The following VWA3B variants were observed in gnomAD, a reference collection of about 807,000 sequenced individuals.
VWA3B encodes the protein von Willebrand factor A domain containing 3B.
A neutral mutation model predicts 158.3 loss-of-function variants in VWA3B; 138 were observed. The ratio of observed to expected loss-of-function variants is 0.87; its 90% CI spans 0.76 to 1.00. The LOEUF is 1.00. Ranked by LOEUF, VWA3B falls within the 50% of genes least tolerant of loss-of-function variation. The pLI, the probability that VWA3B is intolerant of heterozygous loss-of-function variation, is 0.00. For missense variants in VWA3B, 1,555 were observed against 1,565.1 expected (o/e 0.99, Z 0.11); for synonymous variants, 596 against 587.3 (o/e 1.01, Z -0.21).
intron 19 of VWA3B, among the ~76,000 whole-genome samples, chr2:98,249,967 T>A (rs1686690139): frequency 6.6e-6 from 1 of 152,216 alleles, no homozygotes; most frequent in African/African-American, 2.4e-5. Flanking sequence ...GATCTATTTC[T>A]TATTGCCCAC....
intron 12 of VWA3B, 94 bp from the exon 13 acceptor site, chr2:98,211,836 C>A (rs1012512496): frequency 1.5e-5 from 16 of 1,071,812 alleles, no homozygotes; most frequent in Non-Finnish European, 1.5e-5. Context: ...CTCATAGGTA[C>A]TTTTTCTTCT....
intron 19 of VWA3B, chr2:98,245,506 C>T (rs575738605): frequency 3.7e-4 from 170 of 455,408 alleles, no homozygotes; most frequent in Non-Finnish European, 6.6e-4. Flanking sequence ...GTGGAGAGGA[C>T]GGAGAGTGGG....
chr2:98,147,091 T>A (rs903457873), intron 7 of VWA3B, among the ~76,000 whole-genome samples: 4 of 152,206 alleles, frequency 2.6e-5, no homozygotes, highest in Non-Finnish European at 5.9e-5. Flanking sequence ...TGATATACAA[T>A]TGTGGTGTTT....
intron 20 of VWA3B, 80 bp downstream of exon 20, chr2:98,250,516 G>GT: frequency 9.2e-6 from 10 of 1,092,496 alleles, no homozygotes; most frequent in Admixed American, 2.8e-5. Flanking sequence ...TTTTAGCTTA[G>GT]CTTTTTTTTT....
intron 7 of VWA3B, among the ~76,000 whole-genome samples, chr2:98,142,058 A>G (rs148644477): frequency 6.6e-6 from 1 of 152,318 alleles, no homozygotes; most frequent in African/African-American, 2.4e-5. Flanking sequence ...AATAAAGCTC[A>G]GTCCTTGTCC....
At chr2:98,181,917 G>A (rs1157508272) in intron 9 of VWA3B, among the ~76,000 whole-genome samples, 1 of 152,220 alleles carries the variant, frequency 6.6e-6, no homozygotes, top group African/African-American at 2.4e-5. Context: ...ACCTTGAGAA[G>A]CAGAGAGGTG....
At chr2:98,146,461 G>T (rs1677181531) in intron 7 of VWA3B, among the ~76,000 whole-genome samples, 1 of 152,168 alleles carries the variant, frequency 6.6e-6, no homozygotes, top group African/African-American at 2.4e-5. Context: ...ATATAAGTTT[G>T]TTCTGGGTGA....
intron 2 of VWA3B, among the ~76,000 whole-genome samples, chr2:98,113,997 C>T (rs1674337729): frequency 2.0e-5 from 3 of 152,214 alleles, no homozygotes; most frequent in South Asian, 2.1e-4. Flanking sequence ...CTGCTAAATA[C>T]ATACAAATAA....
chr2:98,295,829 G>C (rs1298377938), intron 23 of VWA3B, among the ~76,000 whole-genome samples: 2 of 152,224 alleles, frequency 1.3e-5, no homozygotes, highest in Non-Finnish European at 2.9e-5. Flanking sequence ...AGATGGAGAA[G>C]GAGCAGGTAC....
chr2:98,193,810 G>A (rs1681800123), intron 11 of VWA3B, among the ~76,000 whole-genome samples: 2 of 151,968 alleles, frequency 1.3e-5, no homozygotes, highest in Admixed American at 1.3e-4. Flanking sequence ...AGATGGTCTC[G>A]ATCTCCTGAC....
chr2:98,211,839 T>C, intron 12 of VWA3B, 91 bp from the exon 13 acceptor site: 1 of 1,119,750 alleles, frequency 8.9e-7, no homozygotes, highest in Non-Finnish European at 1.3e-6. Context: ...ATAGGTACTT[T>C]TTCTTCTTTT....
At chr2:98,272,648 C>A (rs1313315621) in intron 22 of VWA3B, among the ~76,000 whole-genome samples, 1 of 152,102 alleles carries the variant, frequency 6.6e-6, no homozygotes, top group African/African-American at 2.4e-5. Flanking sequence ...ACCTACCCAA[C>A]AAAGACACAC....
In VWA3B at chr2:98,246,272, T is replaced by A. The variant is rs529993378; in HGVS notation, c.2674-4046T>A. On this transcript the variant is annotated intron_variant, in intron 19 of 27. Coordinates refer to ENST00000477737, the MANE Select transcript of VWA3B (RefSeq NM_144992.5). ...TATTTTAAAAATAAAGCATTTCAGA[T>A]AAAGTTGCAGCCACCTGTGCAACTC... Among the ~76,000 whole-genome samples the A allele has an allele frequency of 6.1e-3, 932 of 152,290 alleles. 13 individuals are homozygous for A. Among genetic ancestry groups the A allele is most frequent in the African/African-American group, 0.021 (890 of 41,560 alleles).
chr2:98,137,742 T>C (rs1407475617), intron 7 of VWA3B, among the ~76,000 whole-genome samples: 2 of 152,202 alleles, frequency 1.3e-5, no homozygotes, highest in Non-Finnish European at 2.9e-5. Context: ...ACTTTCAAAG[T>C]TACTTTCTCA....
In VWA3B at chr2:98,228,192, A is replaced by G. The variant is rs777941402; in HGVS notation, c.2020-10A>G. On this transcript the variant is annotated splice_polypyrimidine_tract_variant and intron_variant, in intron 14 of 27. Coordinates refer to ENST00000477737, the MANE Select transcript of VWA3B (RefSeq NM_144992.5). ...TAGTCTTATAGCATATTCACTTCTC[A>G]TTTTGGCAGAATGAAGATCTGACTC... The G allele has an allele frequency of 8.7e-6, 14 of 1,607,408 alleles. No homozygotes were observed. The highest frequency in any genetic ancestry group is 1.7e-5 in the Admixed American group (1 of 58,676).
At position 98,107,062 on chromosome 2, in the gene VWA3B, T is replaced by C. The variant is rs138462525; in HGVS notation, c.197-8590T>C. On this transcript the variant is annotated intron_variant, in intron 2 of 27. Transcript: ENST00000477737. ...GAGAATTTTTATTATTAATGGGTGC[T>C]GAATTTTGTCAATTTTTTTCTCCAT... 2.0e-4 allele frequency among the ~76,000 whole-genome samples: 31 copies of C among 152,314 alleles called. No individual in the cohort carries two copies. The East Asian group carries it at 4.8e-3, about 24-fold the overall frequency.
At chr2:98,275,370 A>G (rs1688459263) in intron 22 of VWA3B, among the ~76,000 whole-genome samples, 1 of 152,258 alleles carries the variant, frequency 6.6e-6, no homozygotes, top group Admixed American at 6.5e-5. Context: ...TTTAGGAGAG[A>G]GGCCAGAGTT....
At chr2:98,166,264 G>T (rs1679062986) in intron 8 of VWA3B, among the ~76,000 whole-genome samples, 1 of 152,182 alleles carries the variant, frequency 6.6e-6, no homozygotes, top group Non-Finnish European at 1.5e-5. Flanking sequence ...TTGAACCCAG[G>T]AGGTGGAGGT....
chr2:98,263,870 C>T (rs1381510410), intron 21 of VWA3B, among the ~76,000 whole-genome samples: 1 of 151,884 alleles, frequency 6.6e-6, no homozygotes, highest in Non-Finnish European at 1.5e-5. Context: ...TGGTACTGGG[C>T]TTTTATTTGT....
Sources: gnomAD v4.1 joint callset for allele counts (sites outside exome capture counted in the v4.1 genomes callset) on GRCh38, gnomAD v4.1.1 for gene constraint, MANE v1.5 for transcripts, NCBI Gene and HGNC (gene_info 2026-07-23, HGNC 2026-07-21) for gene names.